TENM2: variants seen among roughly 807,000 people sequenced by gnomAD.
TENM2 encodes the protein teneurin transmembrane protein 2.
TENM2 carries 52 observed loss-of-function variants against 245.2 expected under a neutral mutation model. That is an observed-to-expected ratio of 0.21 (90% CI 0.17 to 0.27). The LOEUF (loss-of-function observed/expected upper bound fraction) is 0.27. TENM2 is among the 10% of genes least tolerant of loss of function. The pLI is 1.00. For missense variants in TENM2, 3,046 were observed against 3,666.8 expected (o/e 0.83, Z 4.37); for synonymous variants, 1,363 against 1,438.9 (o/e 0.95, Z 1.19).
At chr5:167,220,269 CA>C in the TENM2 span, among the ~76,000 whole-genome samples, 1 of 152,148 alleles carries the variant, frequency 6.6e-6, no homozygotes, top group Non-Finnish European at 1.5e-5. Context: ...ATTAAGAACT[CA>C]AGGTTTTTAG....
the TENM2 span, among the ~76,000 whole-genome samples, chr5:167,230,012 T>C: frequency 6.6e-6 from 1 of 152,024 alleles, no homozygotes; most frequent in African/African-American, 2.4e-5. Flanking sequence ...GCAGCCTCTG[T>C]TTGGTAGGAT....
At chr5:167,529,197 T>G (rs1771327207) in intron 2 of TENM2, among the ~76,000 whole-genome samples, 2 of 152,148 alleles carry the variant, frequency 1.3e-5, no homozygotes, top group South Asian at 2.1e-4. Context: ...TTCAATTTTA[T>G]AAATTGGAAT....
At chr5:167,353,502 T>TTTTTC (rs1759079528) in intron 1 of TENM2, among the ~76,000 whole-genome samples, 2 of 94,328 alleles carry the variant, frequency 2.1e-5, no homozygotes, top group South Asian at 7.9e-4. Flanking sequence ...TTGTTGTTGT[T>TTTTTC]TTTTTTTTTT....
the TENM2 span, among the ~76,000 whole-genome samples, chr5:167,192,235 C>T: frequency 2.9e-3 from 437 of 152,076 alleles, 2 homozygotes; most frequent in African/African-American, 0.01. Flanking sequence ...CATGGAGCAA[C>T]TACCAGTGGA....
chr5:168,036,476 A>C (rs1787672926), intron 5 of TENM2, among the ~76,000 whole-genome samples: 1 of 151,732 alleles, frequency 6.6e-6, no homozygotes, highest in African/African-American at 2.4e-5. Flanking sequence ...TCTCTACTAA[A>C]AATACAAAAA....
At chr5:167,198,676 A>C in the TENM2 span, among the ~76,000 whole-genome samples, 27 of 152,122 alleles carry the variant, frequency 1.8e-4, no homozygotes, top group African/African-American at 6.3e-4. Flanking sequence ...CCAAATTTCA[A>C]ATAGGTGAGG....
At chr5:167,958,860 G>A (rs1780768339) in intron 4 of TENM2, among the ~76,000 whole-genome samples, 1 of 152,194 alleles carries the variant, frequency 6.6e-6, no homozygotes, top group Non-Finnish European at 1.5e-5. Flanking sequence ...CTGTTAGTCT[G>A]ATGAGCTTCC....
chr5:168,203,299 A>T (rs899114929), intron 17 of TENM2, among the ~76,000 whole-genome samples: 6 of 152,236 alleles, frequency 3.9e-5, no homozygotes, highest in Non-Finnish European at 1.5e-5. Context: ...AACACAAAAT[A>T]TAATAAATGC....
intron 2 of TENM2, among the ~76,000 whole-genome samples, chr5:167,726,855 C>G (rs1010937962): frequency 6.6e-6 from 1 of 152,160 alleles, no homozygotes; most frequent in Admixed American, 6.5e-5. Flanking sequence ...CCACAGATGC[C>G]TGCAACATTC....
intron 2 of TENM2, among the ~76,000 whole-genome samples, chr5:167,629,748 C>T (rs1393302786): frequency 8.5e-5 from 13 of 152,148 alleles, no homozygotes; most frequent in Admixed American, 8.5e-4. Context: ...TAAAGTAATA[C>T]ACCTCCCTGG....
chr5:167,920,345 A>AG (rs1268990186), intron 3 of TENM2, among the ~76,000 whole-genome samples: 6 of 151,348 alleles, frequency 4.0e-5, no homozygotes, highest in Admixed American at 1.3e-4. Flanking sequence ...AAAAAAGAAA[A>AG]AAAAAGAAAA....
chr5:167,232,434 G>A, the TENM2 span, among the ~76,000 whole-genome samples: 2 of 151,516 alleles, frequency 1.3e-5, no homozygotes, highest in Admixed American at 1.3e-4. Flanking sequence ...GTGCAGTGGT[G>A]TGATCTTGGC....
At chr5:167,082,143 G>A in the TENM2 span, among the ~76,000 whole-genome samples, 1 of 152,104 alleles carries the variant, frequency 6.6e-6, no homozygotes, top group Admixed American at 6.6e-5. Context: ...CTATTATCAT[G>A]TTTTGTTCTT....
chr5:167,795,623 G>C (rs1055736306), intron 2 of TENM2, among the ~76,000 whole-genome samples: 6 of 152,058 alleles, frequency 3.9e-5, no homozygotes. Flanking sequence ...ATGCAAGGTG[G>C]AGAAGCCACA....
intron 12 of TENM2, among the ~76,000 whole-genome samples, chr5:168,159,171 G>A (rs1050909572): frequency 6.6e-6 from 1 of 151,810 alleles, no homozygotes; most frequent in African/African-American, 2.4e-5. Flanking sequence ...AATAAAAAGT[G>A]TCTTCAGACA....
chr5:167,117,824 C>G, the TENM2 span, among the ~76,000 whole-genome samples: 1 of 150,650 alleles, frequency 6.6e-6, no homozygotes, highest in Non-Finnish European at 1.5e-5. Context: ...CATCCCCTCC[C>G]CCTCCCCCAC....
the TENM2 span, among the ~76,000 whole-genome samples, chr5:167,016,260 AAAAACAAAC>A: frequency 9.5e-3 from 1,068 of 112,250 alleles, 22 homozygotes; most frequent in African/African-American, 0.031. Context: ...TCTCAAAAAA[AAAAACAAAC>A]AAACAAACAA....
At chr5:167,756,413 G>T (rs570960646) in intron 2 of TENM2, among the ~76,000 whole-genome samples, 43 of 152,120 alleles carry the variant, frequency 2.8e-4, no homozygotes, top group African/African-American at 9.9e-4. Context: ...AGATGCTGTG[G>T]GTTTCTCCTC....
intron 1 of TENM2, among the ~76,000 whole-genome samples, chr5:167,288,927 A>C (rs185416957): frequency 4.5e-4 from 69 of 152,340 alleles, no homozygotes; most frequent in African/African-American, 1.6e-3. Context: ...TTCACTTTCT[A>C]AGCCTTTTAA....
Sources: allele counts gnomAD v4.1 joint callset (sites outside exome capture counted in the v4.1 genomes callset), GRCh38; gene constraint gnomAD v4.1.1; transcripts MANE v1.5; gene names NCBI Gene and HGNC (gene_info 2026-07-23, HGNC 2026-07-21).